RGS6: variants seen among roughly 807,000 people sequenced by gnomAD.
RGS6 encodes the protein regulator of G protein signaling 6, also known as regulator of G-protein signaling 6.
RGS6 carries 30 observed loss-of-function variants against 78.5 expected under a neutral mutation model. That is an observed-to-expected ratio of 0.38 (90% CI 0.29 to 0.52). The LOEUF is 0.52. RGS6 is among the 20% of genes least tolerant of loss of function. RGS6 has a pLI of 0.85. For missense variants in RGS6, 495 were observed against 609.7 expected (o/e 0.81, Z 1.98); for synonymous variants, 206 against 206.0 (o/e 1.00, Z 0.00).
At chr14:72,625,470 C>A in the RGS6 span, among the ~76,000 whole-genome samples, 1 of 152,170 alleles carries the variant, frequency 6.6e-6, no homozygotes, top group Non-Finnish European at 1.5e-5. Flanking sequence ...ACCACATAAT[C>A]CTCCAGGCTT....
chr14:71,943,338 G>A (rs918310324), intron 1 of RGS6, among the ~76,000 whole-genome samples: 3 of 152,178 alleles, frequency 2.0e-5, no homozygotes, highest in Non-Finnish European at 4.4e-5. Context: ...GAAGTATGGG[G>A]CATAGAAAGC....
intron 2 of RGS6, among the ~76,000 whole-genome samples, chr14:72,169,469 T>C (rs1371734175): frequency 6.6e-6 from 1 of 152,216 alleles, no homozygotes; most frequent in East Asian, 1.9e-4. Flanking sequence ...GGTGAATGCT[T>C]CAGACCATGG....
chr14:72,445,429 A>G (rs2095339427), intron 3 of RGS6, among the ~76,000 whole-genome samples: 3 of 151,324 alleles, frequency 2.0e-5, no homozygotes, highest in African/African-American at 4.9e-5. Context: ...ACCTCAGGCA[A>G]TCCACCTGCC....
In RGS6 at chr14:72,562,850, C is replaced by T. The variant is rs1309618404; in HGVS notation, c.*383C>T. Reference sequence around the variant, plus strand: ...CACTCCCTCGCTGTCTGGAGACGGTCACACCTTCTGGCAAATTCAAGAGGC... The same window carrying T: ...CACTCCCTCGCTGTCTGGAGACGGTTACACCTTCTGGCAAATTCAAGAGGC... On this transcript the variant is annotated 3_prime_UTR_variant, in exon 18 of 18. Transcript: ENST00000553525. 10 of 1,195,592 alleles carry T rather than the reference C, an allele frequency of 8.4e-6. No individual in the cohort carries two copies. Among genetic ancestry groups the T allele is most frequent in the Middle Eastern group, 1.9e-4 (1 of 5,288 alleles). 74.1% of individuals were successfully genotyped at this position (1,195,592 alleles called of 1,614,324 possible).
At chr14:72,482,103 C>T (rs1484188416) in intron 12 of RGS6, among the ~76,000 whole-genome samples, 7 of 152,170 alleles carry the variant, frequency 4.6e-5, no homozygotes, top group Non-Finnish European at 7.3e-5. Flanking sequence ...AGCCACCGCT[C>T]CCGGCCTATT....
intron 2 of RGS6, among the ~76,000 whole-genome samples, chr14:72,325,256 C>G (rs1475004029): frequency 6.6e-6 from 1 of 152,120 alleles, no homozygotes; most frequent in South Asian, 2.1e-4. Context: ...GATATTAGCC[C>G]TTTGTCAGAT....
At chr14:72,406,559 G>A (rs1195986998) in intron 3 of RGS6, among the ~76,000 whole-genome samples, 2 of 152,138 alleles carry the variant, frequency 1.3e-5, no homozygotes, top group East Asian at 3.9e-4. Flanking sequence ...TTTATGAAGG[G>A]AGTAAAGGCT....
chr14:72,188,453 G>A (rs1019218101), intron 2 of RGS6, among the ~76,000 whole-genome samples: 9 of 150,660 alleles, frequency 6.0e-5, no homozygotes, highest in African/African-American at 2.2e-4. Flanking sequence ...CTTACAGTGT[G>A]CCCCATAGGT....
chr14:72,217,047 T>C (rs891215207), intron 2 of RGS6, among the ~76,000 whole-genome samples: 1 of 152,136 alleles, frequency 6.6e-6, no homozygotes, highest in Non-Finnish European at 1.5e-5. Context: ...TAAAAACCTT[T>C]GTAAGGAAAA....
In RGS6 at chr14:72,376,081, G is replaced by T. The variant is rs1215071546; in HGVS notation, c.184+23887G>T. Among the ~76,000 whole-genome samples, 27 of 152,178 alleles carry T rather than the reference G, an allele frequency of 1.8e-4. No individual in the cohort carries two copies. The East Asian group carries it at 5.0e-3, about 28-fold the overall frequency. On this transcript the variant is annotated intron_variant, in intron 3 of 17. Coordinates refer to ENST00000553525, the MANE Select transcript of RGS6 (RefSeq NM_001204424.2). ...AAAATAATAATTCTAAACAAATTCA[G>T]TGAAATATAAGAAAATATATTCAAT...
intron 2 of RGS6, among the ~76,000 whole-genome samples, chr14:72,315,363 CTTT>C (rs1349478524): frequency 1.3e-5 from 2 of 152,116 alleles, no homozygotes; most frequent in African/African-American, 4.8e-5. Flanking sequence ...TTGTGCAAAA[CTTT>C]TTTGTTGTGT....
the RGS6 span, among the ~76,000 whole-genome samples, chr14:71,921,813 A>G: frequency 1.3e-5 from 2 of 152,246 alleles, no homozygotes; most frequent in South Asian, 2.1e-4. Context: ...TGAATGCCTC[A>G]TAAGAGGGAC....
intron 2 of RGS6, among the ~76,000 whole-genome samples, chr14:72,298,642 G>A (rs1314582219): frequency 6.6e-6 from 1 of 151,800 alleles, no homozygotes; most frequent in Admixed American, 6.6e-5. Flanking sequence ...TAGAGACGGG[G>A]TTTCACCGTG....
chr14:72,550,446 G>C (rs1327329440), intron 17 of RGS6: 1 of 1,534,658 alleles, frequency 6.5e-7, no homozygotes, highest in Non-Finnish European at 8.7e-7. Context: ...GAGCCCCCGT[G>C]CCTAACAGGA....
chr14:72,540,153 T>G, intron 17 of RGS6, 59 bp downstream of exon 17: 1 of 1,529,658 alleles, frequency 6.5e-7, no homozygotes, highest in Non-Finnish European at 8.8e-7. Context: ...TTTTCTTTCT[T>G]CTTCTTTTTT....
the RGS6 span, among the ~76,000 whole-genome samples, chr14:71,899,069 T>C: frequency 9.8e-5 from 15 of 152,330 alleles, no homozygotes; most frequent in Non-Finnish European, 1.5e-4. Flanking sequence ...TGATATCCTA[T>C]AGGCTGGCTT....
chr14:72,236,192 TA>T, intron 2 of RGS6, among the ~76,000 whole-genome samples: 1 of 152,326 alleles, frequency 6.6e-6, no homozygotes, highest in South Asian at 2.1e-4. Context: ...AAATCTGAAG[TA>T]ATTGTTCAGT....
chr14:72,567,920 C>T (rs546792070), downstream of RGS6, among the ~76,000 whole-genome samples: 38 of 152,360 alleles, frequency 2.5e-4, no homozygotes, highest in Middle Eastern at 3.4e-3. Context: ...AGCCCTTCAG[C>T]GCCCACAATG....
At chr14:72,214,502 G>T (rs530833281) in intron 2 of RGS6, among the ~76,000 whole-genome samples, 2 of 152,154 alleles carry the variant, frequency 1.3e-5, no homozygotes, top group African/African-American at 2.4e-5. Flanking sequence ...TTTCCAAAAC[G>T]TGATTGAGCT....
Sources: gnomAD v4.1 joint callset for allele counts (sites outside exome capture counted in the v4.1 genomes callset) on GRCh38, gnomAD v4.1.1 for gene constraint, MANE v1.5 for transcripts, NCBI Gene and HGNC (gene_info 2026-07-23, HGNC 2026-07-21) for gene names.